The following TMEM106B variants were observed in gnomAD, a reference collection of about 807,000 sequenced individuals.
The protein encoded by TMEM106B is transmembrane protein 106B.
TMEM106B carries 15 observed loss-of-function variants against 31.1 expected under a neutral mutation model. That is an observed-to-expected ratio of 0.48 (90% CI 0.32 to 0.74). TMEM106B has a LOEUF of 0.74. Ranked by LOEUF, TMEM106B falls within the 30% of genes least tolerant of loss-of-function variation. The pLI is 0.03. For missense variants in TMEM106B, 283 were observed against 327.3 expected, an observed-to-expected ratio of 0.86 and a Z score of 1.04; for synonymous variants, 126 against 112.5, an observed-to-expected ratio of 1.12 and a Z score of -0.76.
At chr7:12,218,335 T>G (rs1781727493) in intron 2 of TMEM106B, 123 bp from the exon 3 acceptor site, 2 of 646,790 alleles carry the variant, frequency 3.1e-6, no homozygotes, top group African/African-American at 1.9e-5. Flanking sequence ...ACTTAGCAAT[T>G]TACTAAAGGA....
In TMEM106B at chr7:12,236,312, AT is replaced by A. The variant is rs1782133801; in HGVS notation, c.*4342del. The A allele has an allele frequency of 6.6e-6, 1 of 151,938 alleles. No homozygotes were observed. The highest frequency in any genetic ancestry group is 2.1e-4 in the South Asian group (1 of 4,832). 9.4% of individuals were successfully genotyped at this position (151,938 alleles called of 1,614,324 possible). A position where few individuals can be genotyped will look rare whatever the true frequency, so the allele number is the denominator to read the frequency against. ...TAAAGAGATAAAAATGGTAATTTCCATTTTTAAAAGTAATTTGGTTGTGTTT... is the reference window on the plus strand; with the variant it reads ...TAAAGAGATAAAAATGGTAATTTCCATTTTAAAAGTAATTTGGTTGTGTTT... On this transcript the variant is annotated 3_prime_UTR_variant, in exon 8 of 8. Transcript: ENST00000396668.
chr7:12,217,736 G>A (rs942524630), intron 2 of TMEM106B, among the ~76,000 whole-genome samples: 11 of 152,042 alleles, frequency 7.2e-5, no homozygotes, highest in African/African-American at 2.4e-4. Flanking sequence ...ATGTGTCGGG[G>A]GAAATAACAG....
In TMEM106B at chr7:12,236,032, G is replaced by C. The variant is rs902973898; in HGVS notation, c.*4057G>C. ...AAAAATTTTACATGTTTGAGATGGT[G>C]GAGTAAAAAGACTGTTAAACATTTC... is the stretch of plus-strand genomic sequence containing the variant. On this transcript the variant is annotated 3_prime_UTR_variant, in exon 8 of 8. Coordinates refer to ENST00000396668, the MANE Select transcript of TMEM106B (RefSeq NM_001134232.2). 6.6e-6 allele frequency: 1 copy of C among 151,610 alleles called. No homozygotes were observed. The highest frequency in any genetic ancestry group is 1.5e-5 in the Non-Finnish European group (1 of 67,804). 9.4% of individuals were successfully genotyped at this position (151,610 alleles called of 1,614,324 possible). A position where few individuals can be genotyped will look rare whatever the true frequency, so the allele number is the denominator to read the frequency against.
intron 7 of TMEM106B, 43 bp from the exon 8 acceptor site, chr7:12,231,794 A>G: frequency 2.0e-6 from 3 of 1,508,310 alleles, no homozygotes; most frequent in Non-Finnish European, 2.7e-6. Context: ...AAAAACTTCT[A>G]ATATAACTAT....
intron 3 of TMEM106B, among the ~76,000 whole-genome samples, chr7:12,219,188 A>C (rs1781742050): frequency 6.6e-6 from 1 of 152,206 alleles, no homozygotes; most frequent in Non-Finnish European, 1.5e-5. Context: ...TCCTCAAGAA[A>C]AAAGTTGAGT....
rs924615190 is a variant in TMEM106B at position 12,237,101 on chromosome 7, T to C, written c.*5126T>C. Reference sequence around the variant, plus strand: ...GTTCTGTAATTGTAATTATTATTGCTGTTCATGTAACAAAACATGCTTATA... The same window carrying C: ...GTTCTGTAATTGTAATTATTATTGCCGTTCATGTAACAAAACATGCTTATA... On this transcript the variant is annotated 3_prime_UTR_variant, in exon 8 of 8. Coordinates refer to ENST00000396668, the MANE Select transcript of TMEM106B (RefSeq NM_001134232.2). 6 of 120,580 alleles carry C rather than the reference T, an allele frequency of 5.0e-5. No homozygotes were observed. Among genetic ancestry groups the C allele is most frequent in the African/African-American group, 1.9e-4 (6 of 31,212 alleles). The allele number at this position is 120,580 out of a possible 1,614,324, so 7.5% of individuals were successfully genotyped here. A position where few individuals can be genotyped will look rare whatever the true frequency, so the allele number is the denominator to read the frequency against.
chr7:12,218,767 G>A (rs766587010), intron 3 of TMEM106B, among the ~76,000 whole-genome samples: 1 of 151,994 alleles, frequency 6.6e-6, no homozygotes, highest in Admixed American at 6.6e-5. Flanking sequence ...TAGAATAGCA[G>A]TACAAACACA....
intron 4 of TMEM106B, among the ~76,000 whole-genome samples, chr7:12,225,265 A>C (rs902496989): frequency 2.6e-5 from 4 of 152,284 alleles, no homozygotes; most frequent in East Asian, 1.9e-4. Context: ...TCCAGTCTAT[A>C]ATTGATGGAC....
chr7:12,227,276 T>C (rs1300810762), intron 4 of TMEM106B, among the ~76,000 whole-genome samples: 1 of 152,078 alleles, frequency 6.6e-6, no homozygotes. Flanking sequence ...TTAGTATATA[T>C]TAGTAGTACT....
intron 4 of TMEM106B, among the ~76,000 whole-genome samples, chr7:12,227,302 T>C (rs1045292079): frequency 6.6e-6 from 1 of 152,088 alleles, no homozygotes; most frequent in African/African-American, 2.4e-5. Flanking sequence ...TTAGTAACAT[T>C]TGTCTTTCTA....
chr7:12,226,451 G>C (rs1253897958), intron 4 of TMEM106B, among the ~76,000 whole-genome samples: 1 of 152,162 alleles, frequency 6.6e-6, no homozygotes, highest in Non-Finnish European at 1.5e-5. Context: ...TGTTTGAAAA[G>C]AGCACGGTTT....
At chr7:12,217,826 GATT>G (rs1781715833) in intron 2 of TMEM106B, among the ~76,000 whole-genome samples, 1 of 152,096 alleles carries the variant, frequency 6.6e-6, no homozygotes, top group South Asian at 2.1e-4. Context: ...CTTCTAATAA[GATT>G]ATAAAATTGG....
chr7:12,225,636 T>A (rs2128526330), intron 4 of TMEM106B, among the ~76,000 whole-genome samples: 1 of 152,326 alleles, frequency 6.6e-6, no homozygotes, highest in South Asian at 2.1e-4. Context: ...ATGAGCATTT[T>A]TTCATGTGTC....
intron 7 of TMEM106B, 106 bp downstream of exon 7, chr7:12,231,221 G>C (rs1416929422): frequency 2.5e-6 from 2 of 809,888 alleles, no homozygotes; most frequent in East Asian, 2.7e-5. Flanking sequence ...CCTCAGTTGG[G>C]TTTTAAGCCT....
At position 12,234,330 on chromosome 7, in the gene TMEM106B, A is replaced by G. The variant is rs1262432066; in HGVS notation, c.*2355A>G. The G allele has an allele frequency of 6.6e-6, 1 of 151,782 alleles. No individual in the cohort carries two copies. The highest frequency in any genetic ancestry group is 2.4e-5 in the African/African-American group (1 of 41,402). The allele number at this position is 151,782 out of a possible 1,614,324, so 9.4% of individuals were successfully genotyped here. ...ATCTTTTGAATTAATTTTTTTTATT[A>G]TATCTACTTTTAGTGGAGTTTGAGT... On this transcript the variant is annotated 3_prime_UTR_variant, in exon 8 of 8. Coordinates refer to ENST00000396668, the MANE Select transcript of TMEM106B (RefSeq NM_001134232.2).
chr7:12,214,030 A>G (rs994397116), intron 1 of TMEM106B, among the ~76,000 whole-genome samples: 1 of 152,180 alleles, frequency 6.6e-6, no homozygotes, highest in African/African-American at 2.4e-5. Flanking sequence ...CTTTGTAGCA[A>G]TAAGATATCA....
Position 12,241,845 on chromosome 7 carries a change from T to G in TMEM106B, c.*9870T>G, listed in dbSNP as rs1462357998. ...TCACCACACTGTCTTCCACAATGGT[T>G]GCAATTTACACTCCCACCAACAGTG... On this transcript the variant is annotated 3_prime_UTR_variant, in exon 8 of 8. Transcript: ENST00000396668. The G allele has an allele frequency of 6.6e-6, 1 of 152,168 alleles. No homozygotes were observed. Among genetic ancestry groups the G allele is most frequent in the Non-Finnish European group, 1.5e-5 (1 of 68,008 alleles). The allele number at this position is 152,168 out of a possible 1,614,324, so 9.4% of individuals were successfully genotyped here. A position where few individuals can be genotyped will look rare whatever the true frequency, so the allele number is the denominator to read the frequency against.
chr7:12,221,898 A>T (rs1044572708), intron 3 of TMEM106B, among the ~76,000 whole-genome samples: 1 of 152,186 alleles, frequency 6.6e-6, no homozygotes, highest in African/African-American at 2.4e-5. Context: ...AGGAAAGACC[A>T]CCCAATAGGA....
intron 4 of TMEM106B, among the ~76,000 whole-genome samples, chr7:12,224,901 G>T (rs1288081761): frequency 6.6e-6 from 1 of 151,464 alleles, no homozygotes; most frequent in Non-Finnish European, 1.5e-5. Flanking sequence ...AAGTTCTAGG[G>T]TACATGTGCA....
Sources: allele counts gnomAD v4.1 joint callset (sites outside exome capture counted in the v4.1 genomes callset), GRCh38; gene constraint gnomAD v4.1.1; transcripts MANE v1.5; gene names NCBI Gene and HGNC (gene_info 2026-07-23, HGNC 2026-07-21).